Variants in NXPE2 observed in about 807,000 individuals in gnomAD.
The protein encoded by NXPE2 is neurexophilin and PC-esterase domain family member 2.
Under a neutral mutation model 34.4 loss-of-function variants are expected in NXPE2, and 34 were observed. That is an observed-to-expected ratio of 0.99 (90% CI 0.75 to 1.31). The LOEUF (loss-of-function observed/expected upper bound fraction) is 1.31, where lower values mean the gene tolerates loss of function less well. Ranked by LOEUF, NXPE2 falls within the 40% of genes most tolerant of loss-of-function variation. NXPE2 has a pLI of 0.00. For missense variants in NXPE2, 649 were observed against 672.5 expected (o/e 0.97, Z 0.39); for synonymous variants, 235 against 231.3 (o/e 1.02, Z -0.15).
the NXPE2 span, among the ~76,000 whole-genome samples, chr11:114,564,161 G>T: frequency 6.6e-6 from 1 of 152,154 alleles, no homozygotes; most frequent in African/African-American, 2.4e-5. Context: ...CAGCAACCTG[G>T]ATAGAGTCGA....
At chr11:114,693,182 T>C (rs552666607) in intron 2 of NXPE2, among the ~76,000 whole-genome samples, 1 of 152,332 alleles carries the variant, frequency 6.6e-6, no homozygotes, top group South Asian at 2.1e-4. Flanking sequence ...TCCTGCCTGG[T>C]CTCAGGTGAT....
At chr11:114,602,135 CAT>C in the NXPE2 span, among the ~76,000 whole-genome samples, 3 of 98,878 alleles carry the variant, frequency 3.0e-5, no homozygotes, top group Non-Finnish European at 5.3e-5. Flanking sequence ...TTATACATAA[CAT>C]ATACTATATA....
At chr11:114,694,318 C>T (rs554249058) in intron 2 of NXPE2, among the ~76,000 whole-genome samples, 3 of 152,284 alleles carry the variant, frequency 2.0e-5, no homozygotes, top group South Asian at 4.1e-4. Context: ...ATATCTTATC[C>T]TTGTTCTTCA....
chr11:114,716,042 T>G, the NXPE2 span, among the ~76,000 whole-genome samples: 4 of 152,184 alleles, frequency 2.6e-5, no homozygotes, highest in African/African-American at 9.7e-5. Flanking sequence ...TACGACCAAT[T>G]TAGGAACCAC....
chr11:114,471,125 T>C, the NXPE2 span, among the ~76,000 whole-genome samples: 21 of 152,310 alleles, frequency 1.4e-4, no homozygotes, highest in East Asian at 3.9e-3. Context: ...TAAGAGAATG[T>C]CTTAATTTTC....
the NXPE2 span, among the ~76,000 whole-genome samples, chr11:114,593,901 T>A: frequency 2.0e-5 from 3 of 152,166 alleles, no homozygotes; most frequent in African/African-American, 7.2e-5. Context: ...GGTCATTATG[T>A]TAAGTGAAAT....
chr11:114,584,134 T>A, the NXPE2 span: 1 of 291,882 alleles, frequency 3.4e-6, no homozygotes, highest in Non-Finnish European at 6.8e-6. Context: ...TCAACCTGCC[T>A]ATGTTATTGA....
the NXPE2 span, among the ~76,000 whole-genome samples, chr11:114,755,736 A>ATCTCTCTCTCTCTCTC: frequency 1.3e-5 from 2 of 148,190 alleles, no homozygotes; most frequent in African/African-American, 5.0e-5. Context: ...CTCTTCACCC[A>ATCTCTCTCTCTCTCTC]TCTCTCTCTC....
chr11:114,695,819 C>T (rs1167087105), intron 2 of NXPE2, among the ~76,000 whole-genome samples: 7 of 89,132 alleles, frequency 7.9e-5, no homozygotes, highest in Admixed American at 5.0e-4. Context: ...GGTGAAAGAA[C>T]GTCTCTACTA....
At chr11:114,696,349 A>C (rs541793353) in intron 2 of NXPE2, among the ~76,000 whole-genome samples, 20 of 148,398 alleles carry the variant, frequency 1.3e-4, no homozygotes, top group East Asian at 2.0e-4. Context: ...CCAAAAAAAA[A>C]AAAAAAAAAA....
downstream of NXPE2, chr11:114,707,392 G>A (rs944493832): frequency 3.9e-5 from 16 of 414,756 alleles, no homozygotes; most frequent in African/African-American, 1.7e-4. Context: ...CACCATGCCC[G>A]GCATTATTTT....
chr11:114,612,724 G>T, the NXPE2 span, among the ~76,000 whole-genome samples: 1 of 151,620 alleles, frequency 6.6e-6, no homozygotes, highest in South Asian at 2.1e-4. Flanking sequence ...GTTGCCTCGT[G>T]GGTAACCACT....
chr11:114,651,273 C>T, the NXPE2 span, among the ~76,000 whole-genome samples: 9 of 151,798 alleles, frequency 5.9e-5, no homozygotes, highest in Admixed American at 3.9e-4. Context: ...TTCTTCCTTG[C>T]GGTGGGTTCG....
the NXPE2 span, among the ~76,000 whole-genome samples, chr11:114,550,069 T>G: frequency 1.3e-5 from 2 of 152,048 alleles, no homozygotes; most frequent in Admixed American, 6.6e-5. Context: ...AAAACAAAAT[T>G]GAACAAATGT....
At chr11:114,586,491 G>C in the NXPE2 span, among the ~76,000 whole-genome samples, 1 of 152,122 alleles carries the variant, frequency 6.6e-6, no homozygotes, top group African/African-American at 2.4e-5. Flanking sequence ...AAAAGTTAGC[G>C]TGGCTACCAG....
the NXPE2 span, among the ~76,000 whole-genome samples, chr11:114,630,122 G>C: frequency 2.0e-5 from 3 of 151,416 alleles, no homozygotes; most frequent in Admixed American, 6.6e-5. Context: ...ATTCAATGCT[G>C]TACCCATCAA....
chr11:114,714,155 C>T, the NXPE2 span, among the ~76,000 whole-genome samples: 6 of 152,190 alleles, frequency 3.9e-5, no homozygotes, highest in Non-Finnish European at 7.3e-5. Context: ...GTATCATTAG[C>T]TTGTGGTTGG....
chr11:114,645,080 T>G, the NXPE2 span, among the ~76,000 whole-genome samples: 1 of 151,810 alleles, frequency 6.6e-6, no homozygotes, highest in African/African-American at 2.4e-5. Flanking sequence ...GGCAGGCGGA[T>G]TCCTTGAGGT....
the NXPE2 span, among the ~76,000 whole-genome samples, chr11:114,661,298 G>T: frequency 3.1e-3 from 469 of 152,228 alleles, 2 homozygotes; most frequent in Middle Eastern, 0.017. Flanking sequence ...TAATCAATCG[G>T]TTTTGTAAAA....
Sources: gnomAD v4.1 joint callset for allele counts (sites outside exome capture counted in the v4.1 genomes callset) on GRCh38, gnomAD v4.1.1 for gene constraint, MANE v1.5 for transcripts, NCBI Gene and HGNC (gene_info 2026-07-23, HGNC 2026-07-21) for gene names.